RNF220: variants seen among roughly 807,000 people sequenced by gnomAD.
RNF220 encodes the protein ring finger protein 220.
Under a neutral mutation model 67.1 loss-of-function variants are expected in RNF220, and 7 were observed. That is an observed-to-expected ratio of 0.10 (90% CI 0.06 to 0.20). The LOEUF is 0.20. Ranked by LOEUF, RNF220 falls within the 10% of genes least tolerant of loss-of-function variation. RNF220 has a pLI of 1.00. For synonymous variants in RNF220, 270 were observed against 283.2 expected, an observed-to-expected ratio of 0.95 and a Z score of 0.47; for missense variants, 565 against 740.3, an observed-to-expected ratio of 0.76 and a Z score of 2.75.
At chr1:44,418,828 G>A (rs545413761) in intron 2 of RNF220, among the ~76,000 whole-genome samples, 1 of 152,242 alleles carries the variant, frequency 6.6e-6, no homozygotes, top group East Asian at 1.9e-4. Context: ...ACATTGAAAT[G>A]TATTCTTTGT....
chr1:44,630,975 G>A (rs1573115808), intron 5 of RNF220, among the ~76,000 whole-genome samples: 1 of 152,202 alleles, frequency 6.6e-6, no homozygotes, highest in South Asian at 2.1e-4. Context: ...GTTGCAGAGA[G>A]AGAAGCTAGA....
rs368056218 is a variant in RNF220, at chr1:44,614,190, C to T, written c.651C>T (p.Phe217=). 6.6e-5 allele frequency: 106 copies of T among 1,614,056 alleles called. No individual in the cohort carries two copies. The highest frequency in any genetic ancestry group is 6.7e-5 in the Non-Finnish European group (79 of 1,179,998). Reference sequence around the variant, plus strand: ...GTAAGAAGAAAGCAGCGGCATTGTTCGACAGCCAGGCCCCAATTTGCCCCA... The same window carrying T: ...GTAAGAAGAAAGCAGCGGCATTGTTTGACAGCCAGGCCCCAATTTGCCCCA... The part of the protein sequence containing the change: ...DRCKKKAAAL[F]DSQAPICPIC... Residue 217 remains phenylalanine, a synonymous_variant, in exon 3 of 15, where the codon TTC becomes TTT. Transcript: ENST00000361799.
intron 2 of RNF220, among the ~76,000 whole-genome samples, chr1:44,585,241 A>C (rs548276562): frequency 6.6e-6 from 1 of 152,296 alleles, no homozygotes; most frequent in East Asian, 1.9e-4. Context: ...CACTAGCAGG[A>C]ACTGTTCCCT....
chr1:44,468,157 T>A (rs1396561575), intron 2 of RNF220, among the ~76,000 whole-genome samples: 1 of 98,392 alleles, frequency 1.0e-5, no homozygotes, highest in African/African-American at 3.6e-5. Flanking sequence ...ACTGATAGAT[T>A]TGCTCAACAC....
At chr1:44,641,923 G>A (rs996537171) in intron 8 of RNF220, among the ~76,000 whole-genome samples, 1 of 152,258 alleles carries the variant, frequency 6.6e-6, no homozygotes, top group Non-Finnish European at 1.5e-5. Context: ...GGAACAGAAA[G>A]CTGCTGCCCG....
chr1:44,608,319 G>A (rs372517443), intron 2 of RNF220, among the ~76,000 whole-genome samples: 12 of 152,306 alleles, frequency 7.9e-5, no homozygotes, highest in Admixed American at 3.3e-4. Context: ...CAGAGAGTGC[G>A]CCTGTCTTCA....
At chr1:44,637,943 A>C (rs546690564) in intron 8 of RNF220, among the ~76,000 whole-genome samples, 1 of 152,236 alleles carries the variant, frequency 6.6e-6, no homozygotes, top group Non-Finnish European at 1.5e-5. Context: ...TAGTGCAGTC[A>C]AAAGACAGGC....
At chr1:44,527,957 A>T (rs1660527449) in intron 2 of RNF220, among the ~76,000 whole-genome samples, 1 of 144,896 alleles carries the variant, frequency 6.9e-6, no homozygotes. Context: ...AAAAAGTTAA[A>T]TGCAAAGGGT....
At chr1:44,481,844 G>C (rs1655844861) in intron 2 of RNF220, among the ~76,000 whole-genome samples, 4 of 152,170 alleles carry the variant, frequency 2.6e-5, no homozygotes, top group Admixed American at 2.0e-4. Flanking sequence ...AAGAAACAGA[G>C]ATGATGAAGC....
rs1352734247 is a variant in RNF220 at position 44,651,579 on chromosome 1, G to C, written c.*804G>C. On this transcript the variant is annotated 3_prime_UTR_variant, in exon 15 of 15. Coordinates refer to ENST00000361799, the MANE Select transcript of RNF220 (RefSeq NM_018150.4). Reference sequence around the variant, plus strand: ...GAGAACCATTCCTGGGATTAGAGCTGCCTTTCCCAGGGAAAAAGTGTCGTC... The same window carrying C: ...GAGAACCATTCCTGGGATTAGAGCTCCCTTTCCCAGGGAAAAAGTGTCGTC... 1 of 152,688 alleles carries C rather than the reference G, an allele frequency of 6.5e-6. No individual in the cohort carries two copies. 9.5% of individuals were successfully genotyped at this position (152,688 alleles called of 1,614,324 possible).
intron 2 of RNF220, among the ~76,000 whole-genome samples, chr1:44,570,169 T>C (rs1257889628): frequency 1.3e-5 from 2 of 152,190 alleles, no homozygotes; most frequent in Non-Finnish European, 1.5e-5. Context: ...ACTGCTGTAG[T>C]GCCTGTGCTT....
At chr1:44,582,736 A>G (rs1286042084) in intron 2 of RNF220, among the ~76,000 whole-genome samples, 1 of 146,696 alleles carries the variant, frequency 6.8e-6, no homozygotes, top group Non-Finnish European at 1.5e-5. Context: ...CAGCCTGGCC[A>G]ACATAGTGAG....
chr1:44,469,009 G>C (rs1244394720), intron 2 of RNF220, among the ~76,000 whole-genome samples: 1 of 151,892 alleles, frequency 6.6e-6, no homozygotes, highest in Non-Finnish European at 1.5e-5. Flanking sequence ...ATATGACAAA[G>C]GGCTAATTTC....
intron 2 of RNF220, among the ~76,000 whole-genome samples, chr1:44,518,380 A>AC (rs887420209): frequency 2.0e-5 from 3 of 152,118 alleles, no homozygotes; most frequent in African/African-American, 7.2e-5. Context: ...AGCTATGATC[A>AC]CCCCACTGCA....
rs147565879 is a variant in RNF220, at chr1:44,530,735, G to A, written c.626-83430G>A. 3.0e-3 allele frequency among the ~76,000 whole-genome samples: 455 copies of A among 152,292 alleles called. 3 individuals are homozygous for A. The highest frequency in any genetic ancestry group is 6.9e-3 in the East Asian group (36 of 5,188). ...TAATCCCAGCACTTTGGGAGTCTAG[G>A]TGGGCAGATCATGAGGTCAGGAGTT... On this transcript the variant is annotated intron_variant, in intron 2 of 14. Transcript: ENST00000361799.
chr1:44,624,345 C>T lies in RNF220; in HGVS notation c.804+1558C>T, dbSNP rs902763538. On this transcript the variant is annotated intron_variant, in intron 4 of 14. Transcript: ENST00000361799. The surrounding 1 kb of genome is among the most constrained non-coding windows in gnomAD (Gnocchi z 4.2). ...GCTGGGGACTTGGACATCAGTGAGG[C>T]CTGTGTTCTAAGGACAAACCCCTGG... is the stretch of plus-strand genomic sequence containing the variant. Among the ~76,000 whole-genome samples, 2 of 152,192 alleles carry T rather than the reference C, an allele frequency of 1.3e-5. No individual in the cohort carries two copies. The highest frequency in any genetic ancestry group is 2.9e-5 in the Non-Finnish European group (2 of 68,030).
chr1:44,641,850 G>T (rs1242354588), intron 8 of RNF220, among the ~76,000 whole-genome samples: 2 of 152,252 alleles, frequency 1.3e-5, no homozygotes, highest in African/African-American at 4.8e-5. Flanking sequence ...CAGACCAGAG[G>T]CAGAGGCCTT....
intron 2 of RNF220, among the ~76,000 whole-genome samples, chr1:44,559,586 G>A (rs932189352): frequency 9.2e-5 from 14 of 152,378 alleles, no homozygotes; most frequent in African/African-American, 3.4e-4. Flanking sequence ...GGCATCCCGG[G>A]GGAGACTTCG....
rs56409207 is a variant in RNF220, at chr1:44,527,925, C to CAAAA, written c.626-86217_626-86214dup. Among the ~76,000 whole-genome samples the CAAAA allele has an allele frequency of 8.9e-3, 500 of 56,174 alleles. 155 individuals are homozygous for CAAAA. Among genetic ancestry groups the CAAAA allele is most frequent in the East Asian group, 0.04 (70 of 1,738 alleles). The allele number at this position is 56,174 out of a possible 152,430, so 36.9% of individuals were successfully genotyped here. On this transcript the variant is annotated intron_variant, in intron 2 of 14. Transcript: ENST00000361799. ...TGGGTGACAGAGCAAGACTCCATCC[C>CAAAA]AAAAAAAAAAAAAAAAAAAAAAAAA...
Sources: gnomAD v4.1 joint callset for allele counts (sites outside exome capture counted in the v4.1 genomes callset) on GRCh38, gnomAD v4.1.1 for gene constraint, Gnocchi (gnomAD v3.1) non-coding constraint, MANE v1.5 for transcripts, NCBI Gene and HGNC (gene_info 2026-07-23, HGNC 2026-07-21) for gene names.